DTNB: variants seen among roughly 807,000 people sequenced by gnomAD.
DTNB encodes the protein dystrobrevin beta, also known as DTN-B.
In DTNB, 63 loss-of-function variants were observed where a neutral mutation model predicts 90.7. The ratio of observed to expected loss-of-function variants is 0.69; its 90% CI spans 0.57 to 0.86. The LOEUF is 0.86. Among genes scored for constraint, DTNB ranks in the 40% least tolerant of loss-of-function variants. The probability of loss-of-function intolerance (pLI) is 0.00; values close to 1 mark genes in which losing one functional copy is unlikely to be tolerated. For missense variants in DTNB, 744 were observed against 807.1 expected, an observed-to-expected ratio of 0.92 and a Z score of 0.95; for synonymous variants, 277 against 286.7, an observed-to-expected ratio of 0.97 and a Z score of 0.34.
chr2:25,391,490 C>T (rs1030134211), intron 16 of DTNB, among the ~76,000 whole-genome samples: 1 of 152,032 alleles, frequency 6.6e-6, no homozygotes, highest in Non-Finnish European at 1.5e-5. Flanking sequence ...CCAGTAAGTA[C>T]ATGGAAAGAT....
At chr2:25,633,788 C>G (rs138189572) in intron 3 of DTNB, among the ~76,000 whole-genome samples, 2,607 of 151,110 alleles carry the variant, frequency 0.017, 68 homozygotes, top group African/African-American at 0.058. Flanking sequence ...CCCGGCCGCT[C>G]ATCGTCTGAG....
intron 3 of DTNB, among the ~76,000 whole-genome samples, chr2:25,636,641 CAG>C (rs990619388): frequency 6.6e-6 from 1 of 152,120 alleles, no homozygotes; most frequent in African/African-American, 2.4e-5. Context: ...TAAATCATCA[CAG>C]AAATATATTT....
chr2:25,523,897 CTTTT>C (rs869167435), intron 9 of DTNB, among the ~76,000 whole-genome samples: 1 of 115,852 alleles, frequency 8.6e-6, no homozygotes. Context: ...GTCATCTGTA[CTTTT>C]TTTTTTTTTT....
chr2:25,564,558 T>G (rs947164656), intron 8 of DTNB, among the ~76,000 whole-genome samples: 8 of 152,020 alleles, frequency 5.3e-5, no homozygotes, highest in South Asian at 4.2e-4. Flanking sequence ...TTTTTTTTTT[T>G]TGTATTTTTA....
chr2:25,652,808 T>C, intron 1 of DTNB, 147 bp from the exon 2 acceptor site: 1 of 637,552 alleles, frequency 1.6e-6, no homozygotes, highest in Non-Finnish European at 2.5e-6. Context: ...GGAAGCCTGA[T>C]TCAGAAAAAG....
intron 4 of DTNB, among the ~76,000 whole-genome samples, chr2:25,625,487 T>C (rs2073908747): frequency 6.6e-6 from 1 of 150,596 alleles, no homozygotes; most frequent in Non-Finnish European, 1.5e-5. Context: ...TTTAAACACA[T>C]CAAAGTAAAA....
At chr2:25,397,342 A>G (rs1044209551) in intron 16 of DTNB, among the ~76,000 whole-genome samples, 6 of 151,276 alleles carry the variant, frequency 4.0e-5, no homozygotes, top group Middle Eastern at 3.4e-3. Context: ...TGTCTCAAAA[A>G]AAAAAAAAAA....
chr2:25,432,914 T>TG lies in DTNB; in HGVS notation c.1428dup (p.Thr477HisfsTer15). The stretch of plus-strand genomic sequence containing the variant: ...AGCAGCCGCAGCTCTGCCAGCAGCG[T>TG]GGGGTTCTGCTGTGCCTTCTCAGGG... On this transcript the variant is annotated frameshift_variant, in exon 14 of 21. Coordinates refer to ENST00000406818, the MANE Select transcript of DTNB (RefSeq NM_021907.5). LOFTEE classifies it high-confidence loss of function. The TG allele has an allele frequency of 6.2e-7, 1 of 1,609,622 alleles. No homozygotes were observed. The highest frequency in any genetic ancestry group is 8.5e-7 in the Non-Finnish European group (1 of 1,178,722).
At chr2:25,595,812 GC>G in intron 6 of DTNB, among the ~76,000 whole-genome samples, 1 of 152,052 alleles carries the variant, frequency 6.6e-6, no homozygotes, top group Non-Finnish European at 1.5e-5. Flanking sequence ...ATGTCCTGTA[GC>G]AAAAATGTAC....
At chr2:25,626,079 G>C (rs1245345970) in intron 4 of DTNB, among the ~76,000 whole-genome samples, 1 of 152,108 alleles carries the variant, frequency 6.6e-6, no homozygotes, top group African/African-American at 2.4e-5. Context: ...GTTGTTTATA[G>C]AGAGTCCAGT....
chr2:25,628,250 G>A lies in DTNB; in HGVS notation c.283C>T (p.Arg95Cys), dbSNP rs771037414. The change falls in exon 4 of 21, where the codon CGC becomes TGC. Residue 95 changes from arginine to cysteine, a missense_variant. Arg to Cys is a radical substitution (Grantham distance 180). Transcript: ENST00000406818. ...CTAATTTGGTGAGTAGAAGGAAGGC[G>A]CTTGTTCAACTGATAGTAGATGGAG... ...ISSIYYQLNK[R>C]LPSTHQISVE... 21 of 1,613,410 alleles carry A rather than the reference G, an allele frequency of 1.3e-5. No homozygotes were observed. Among genetic ancestry groups the A allele is most frequent in the African/African-American group, 9.4e-5 (7 of 74,768 alleles).
At chr2:25,577,036 A>C in intron 7 of DTNB, 32 bp from the exon 8 acceptor site, 1 of 1,558,540 alleles carries the variant, frequency 6.4e-7, no homozygotes, top group Non-Finnish European at 8.7e-7. Flanking sequence ...GGGAGAAAAA[A>C]GGGCAGGAGG....
intron 18 of DTNB, among the ~76,000 whole-genome samples, chr2:25,385,431 T>C (rs1353991286): frequency 6.6e-6 from 1 of 152,216 alleles, no homozygotes; most frequent in African/African-American, 2.4e-5. Flanking sequence ...AGTTTATGTC[T>C]GCATGTTAGA....
chr2:25,607,461 T>A (rs76873067), intron 4 of DTNB, 140 bp from the exon 5 acceptor site: 1 of 396,792 alleles, frequency 2.5e-6, no homozygotes, highest in Non-Finnish European at 4.0e-6. Context: ...AAACCCTGGA[T>A]TTTTTTTTTT....
At chr2:25,650,302 G>A in intron 2 of DTNB, 1 of 928,312 alleles carries the variant, frequency 1.1e-6, no homozygotes, top group Non-Finnish European at 1.3e-6. Context: ...ACTGTGTTTT[G>A]TTCTCCTCTG....
In DTNB at chr2:25,414,950, T is replaced by C. The variant is rs73920702; in HGVS notation, c.1575+4565A>G. On this transcript the variant is annotated intron_variant, in intron 16 of 20. Coordinates refer to ENST00000406818, the MANE Select transcript of DTNB (RefSeq NM_021907.5). ...AACAGTCACTCAGTGAAGTCTTATC[T>C]GAAATAGCCAGGCAGTTTGCCCCTC... 1.5e-3 allele frequency among the ~76,000 whole-genome samples: 235 copies of C among 152,194 alleles called. 3 individuals carry two copies. Among genetic ancestry groups the C allele is most frequent in the African/African-American group, 5.4e-3 (226 of 41,532 alleles).
chr2:25,502,375 G>T (rs140481935), intron 9 of DTNB, among the ~76,000 whole-genome samples: 78 of 152,224 alleles, frequency 5.1e-4, no homozygotes, highest in African/African-American at 1.7e-3. Flanking sequence ...TAAACCCAGT[G>T]AAACCATCAT....
chr2:25,457,102 C>G lies in DTNB; in HGVS notation c.1080-1608G>C, dbSNP rs2060165468. Among the ~76,000 whole-genome samples, 4 of 151,996 alleles carry G rather than the reference C, an allele frequency of 2.6e-5. No individual in the cohort carries two copies. In the South Asian group the frequency reaches 6.2e-4, roughly 24 times the overall value. The stretch of plus-strand genomic sequence containing the variant: ...TCAGCTCACTGAAACCTCCGCCTCC[C>G]AAGTTCAAGTGATTCTCCTGCCTCA... On this transcript the variant is annotated intron_variant, in intron 10 of 20. Coordinates refer to ENST00000406818, the MANE Select transcript of DTNB (RefSeq NM_021907.5).
intron 8 of DTNB, among the ~76,000 whole-genome samples, chr2:25,566,151 G>A (rs1266345109): frequency 5.3e-5 from 8 of 152,210 alleles, no homozygotes; most frequent in Admixed American, 2.0e-4. Context: ...CTAGCTGGCC[G>A]AGAAGAAAGC....
Sources: allele counts gnomAD v4.1 joint callset (sites outside exome capture counted in the v4.1 genomes callset), GRCh38; gene constraint gnomAD v4.1.1; transcripts MANE v1.5; gene names NCBI Gene and HGNC (gene_info 2026-07-23, HGNC 2026-07-21).